Variants in PRELID2 observed in about 807,000 individuals in gnomAD.
PRELID2 encodes PRELI domain containing 2.
A neutral mutation model predicts 28.4 loss-of-function variants in PRELID2; 25 were observed. The observed-to-expected ratio is 0.88, with a 90% CI of 0.64 to 1.23. The LOEUF (loss-of-function observed/expected upper bound fraction) is 1.23, where lower values mean the gene tolerates loss of function less well. Among genes scored for constraint, PRELID2 ranks in the 50% most tolerant of loss-of-function variants. PRELID2 has a pLI of 0.00. For missense variants in PRELID2, 201 were observed against 214.4 expected, an observed-to-expected ratio of 0.94 and a Z score of 0.39; for synonymous variants, 76 against 71.6, an observed-to-expected ratio of 1.06 and a Z score of -0.31.
intron 5 of PRELID2, among the ~76,000 whole-genome samples, chr5:145,785,475 T>G (rs546309666): frequency 1.5e-4 from 23 of 152,328 alleles, no homozygotes; most frequent in African/African-American, 5.1e-4. Flanking sequence ...TATACTACGA[T>G]AGTATGAGTG....
intron 1 of PRELID2, among the ~76,000 whole-genome samples, chr5:145,587,626 G>A (rs546940612): frequency 6.6e-6 from 1 of 152,256 alleles, no homozygotes; most frequent in Non-Finnish European, 1.5e-5. Context: ...CTTTGAGAAA[G>A]CATAATACTT....
chr5:145,400,498 GA>G, the PRELID2 span, among the ~76,000 whole-genome samples: 4 of 151,978 alleles, frequency 2.6e-5, no homozygotes, highest in African/African-American at 9.7e-5. Context: ...AGTGAGAGGG[GA>G]AAAAAATCTA....
chr5:145,362,022 G>T, the PRELID2 span, among the ~76,000 whole-genome samples: 1 of 152,102 alleles, frequency 6.6e-6, no homozygotes, highest in East Asian at 1.9e-4. Flanking sequence ...ACAAGTACTT[G>T]GATGATGATA....
intron 1 of PRELID2, among the ~76,000 whole-genome samples, chr5:145,502,843 GT>G (rs35862613): frequency 0.37 from 54,389 of 147,416 alleles, 10,870 homozygotes; most frequent in East Asian, 0.9. Context: ...ATCCCCAGAA[GT>G]TTTTTTTTTT....
At chr5:145,508,851 C>A (rs187983284) in intron 1 of PRELID2, among the ~76,000 whole-genome samples, 36 of 152,274 alleles carry the variant, frequency 2.4e-4, no homozygotes, top group Admixed American at 2.1e-3. Flanking sequence ...CCTGGCATAA[C>A]CAGCAAGCAA....
chr5:145,427,792 C>G, the PRELID2 span, among the ~76,000 whole-genome samples: 2 of 151,988 alleles, frequency 1.3e-5, no homozygotes, highest in South Asian at 4.1e-4. Flanking sequence ...GCAGAAAGTT[C>G]AGGGATGTAA....
chr5:145,589,807 G>A (rs1753203747), intron 1 of PRELID2, among the ~76,000 whole-genome samples: 1 of 151,914 alleles, frequency 6.6e-6, no homozygotes, highest in African/African-American at 2.4e-5. Context: ...TTTCCTTCTA[G>A]TATTTTATGG....
chr5:145,354,974 C>T, the PRELID2 span, among the ~76,000 whole-genome samples: 2 of 152,076 alleles, frequency 1.3e-5, no homozygotes, highest in African/African-American at 2.4e-5. Flanking sequence ...AAAGACCAAA[C>T]AAAATTGATG....
At chr5:145,540,796 A>G (rs1752739239) in intron 1 of PRELID2, among the ~76,000 whole-genome samples, 1 of 151,908 alleles carries the variant, frequency 6.6e-6, no homozygotes, top group African/African-American at 2.4e-5. Flanking sequence ...TTATGCTTGA[A>G]ACCAGAATAA....
At chr5:145,396,593 C>T in the PRELID2 span, among the ~76,000 whole-genome samples, 4 of 151,696 alleles carry the variant, frequency 2.6e-5, no homozygotes, top group Admixed American at 6.6e-5. Flanking sequence ...GTTTGCCAAG[C>T]CTTGAACTAG....
the PRELID2 span, among the ~76,000 whole-genome samples, chr5:145,296,280 T>G: frequency 6.6e-6 from 1 of 151,856 alleles, no homozygotes; most frequent in Non-Finnish European, 1.5e-5. Flanking sequence ...CATGCTGGTG[T>G]GCTGCACCCA....
chr5:145,313,826 A>G, the PRELID2 span, among the ~76,000 whole-genome samples: 1 of 152,206 alleles, frequency 6.6e-6, no homozygotes, highest in Non-Finnish European at 1.5e-5. Flanking sequence ...TTGTCTCAGT[A>G]GCAAGGTGCA....
intron 1 of PRELID2, among the ~76,000 whole-genome samples, chr5:145,575,837 C>T (rs1753055939): frequency 6.6e-6 from 1 of 152,126 alleles, no homozygotes; most frequent in Admixed American, 6.6e-5. Context: ...CCCTTTTGAC[C>T]TCTCCAGCCC....
chr5:145,811,082 CAAAAAAAAAAAAAAAAAAAA>C lies in PRELID2; in HGVS notation c.368+6792_368+6811del, dbSNP rs56978118. On this transcript the variant is annotated intron_variant, in intron 4 of 6. Transcript: ENST00000683046. ...AAGGCACGTCTTACATGGCAGCAGG[CAAAAAAAAAAAAAAAAAAAA>C]AAAAAAAAAAAAAAAAATTGTGCCA... Among the ~76,000 whole-genome samples, 3 of 26,730 alleles carry C rather than the reference CAAAAAAAAAAAAAAAAAAAA, an allele frequency of 1.1e-4. No individual in the cohort carries two copies. The South Asian group carries it at 8.0e-3, about 71-fold the overall frequency. 17.5% of individuals were successfully genotyped at this position (26,730 alleles called of 152,430 possible).
the PRELID2 span, chr5:145,229,252 G>T: frequency 1.3e-6 from 1 of 763,524 alleles, no homozygotes. Flanking sequence ...GGGCTCCCTG[G>T]AGGATGCCCG....
chr5:145,417,231 A>T, the PRELID2 span, among the ~76,000 whole-genome samples: 1 of 152,116 alleles, frequency 6.6e-6, no homozygotes, highest in Non-Finnish European at 1.5e-5. Flanking sequence ...ATTGATAATG[A>T]GTTCTGAAAC....
At chr5:145,739,491 C>T (rs547595469) in intron 1 of PRELID2, among the ~76,000 whole-genome samples, 4 of 151,948 alleles carry the variant, frequency 2.6e-5, no homozygotes, top group African/African-American at 4.8e-5. Context: ...GGCAACAGTG[C>T]GAGACTCCAC....
rs78419113 is a variant in PRELID2, at chr5:145,541,274, A to T, written n.71-67959T>A. 5.2e-3 allele frequency among the ~76,000 whole-genome samples: 796 copies of T among 152,232 alleles called. 14 individuals carry two copies. Among genetic ancestry groups the T allele is most frequent in the African/African-American group, 0.018 (741 of 41,564 alleles). ...TATAAGATTAACAACTAATATATATAGTTTAGTATGTGCAAAGCACAGTTG... is the reference window on the plus strand; with the variant it reads ...TATAAGATTAACAACTAATATATATTGTTTAGTATGTGCAAAGCACAGTTG... On this transcript the variant is annotated intron_variant and non_coding_transcript_variant, in intron 1 of 2. Coordinates refer to the PRELID2 transcript ENST00000510259.
chr5:145,710,796 T>C (rs1022392024), intron 1 of PRELID2, among the ~76,000 whole-genome samples: 39 of 152,228 alleles, frequency 2.6e-4, no homozygotes, highest in African/African-American at 8.7e-4. Flanking sequence ...GAAGGTTCTT[T>C]ACAGAGGTTT....
Sources: allele counts gnomAD v4.1 joint callset (sites outside exome capture counted in the v4.1 genomes callset), GRCh38; gene constraint gnomAD v4.1.1; transcripts MANE v1.5; gene names NCBI Gene and HGNC (gene_info 2026-07-23, HGNC 2026-07-21).